The following MROH1 variants were observed in gnomAD, a reference collection of about 807,000 sequenced individuals.
MROH1 encodes the protein maestro heat-like repeat-containing protein family member 1.
A neutral mutation model predicts 116.5 loss-of-function variants in MROH1; 117 were observed. The observed-to-expected ratio is 1.00, with a 90% confidence interval of 0.86 to 1.17. The LOEUF is 1.17. Ranked by LOEUF, MROH1 falls within the 50% of genes most tolerant of loss-of-function variation. The pLI is 0.00. For missense variants in MROH1, 1,873 were observed against 1,338.5 expected (o/e 1.40, Z -6.23); for synonymous variants, 921 against 583.9 (o/e 1.58, Z -8.32).
intron 7 of MROH1, among the ~76,000 whole-genome samples, chr8:144,181,152 C>T (rs1488451570): frequency 1.3e-5 from 2 of 152,208 alleles, no homozygotes; most frequent in Admixed American, 6.5e-5. Flanking sequence ...GTCAGGAAGA[C>T]GGCCAGCCCT....
intron 43 of MROH1, 115 bp downstream of exon 43, chr8:144,261,464 A>C (rs1483945844): frequency 2.9e-6 from 2 of 697,512 alleles, no homozygotes; most frequent in African/African-American, 1.8e-5. Flanking sequence ...TGGTGACCTC[A>C]TCGTCTCTAG....
chr8:144,258,272 T>C (rs1234095169), intron 35 of MROH1, among the ~76,000 whole-genome samples: 1 of 152,248 alleles, frequency 6.6e-6, no homozygotes, highest in East Asian at 1.9e-4. Flanking sequence ...CAGCAGCCCC[T>C]CCAGCTCTCG....
intron 35 of MROH1, among the ~76,000 whole-genome samples, chr8:144,257,820 A>C (rs1166133153): frequency 2.0e-5 from 3 of 152,364 alleles, no homozygotes; most frequent in African/African-American, 7.2e-5. Context: ...CTTTTGGGCC[A>C]GGTGCTCCTG....
chr8:144,170,836 G>T (rs1363234354), intron 4 of MROH1, among the ~76,000 whole-genome samples: 1 of 152,224 alleles, frequency 6.6e-6, no homozygotes, highest in Non-Finnish European at 1.5e-5. Flanking sequence ...GTCAGCCAGG[G>T]TTCTGCACAG....
chr8:144,183,480 AC>A (rs1826183388), intron 7 of MROH1, among the ~76,000 whole-genome samples: 1 of 150,846 alleles, frequency 6.6e-6, no homozygotes, highest in African/African-American at 2.4e-5. Context: ...ACTGCCGAAT[AC>A]CTGGAATGCT....
chr8:144,259,859 T>A, intron 37 of MROH1, 52 bp from the exon 38 acceptor site: 1 of 716,652 alleles, frequency 1.4e-6, no homozygotes, highest in Non-Finnish European at 2.6e-6. Flanking sequence ...GGCTGGTGGG[T>A]TGAGCCCTGG....
chr8:144,154,299 C>T (rs961801058), intron 1 of MROH1, among the ~76,000 whole-genome samples: 24 of 152,230 alleles, frequency 1.6e-4, no homozygotes, highest in Admixed American at 1.2e-3. Flanking sequence ...AACTCTTGAC[C>T]TCAAGTGATC....
Position 144,168,396 on chromosome 8 carries a change from G to A in MROH1, c.124G>A (p.Glu42Lys). ...LCSLGEARPV[E>K]TLRACEEYLR... ...CTCCCTCGGGGAGGCGCGGCCGGTG[G>A]AGACGCTCCGTGCCTGCGAGGAGTA... The change falls in exon 4 of 44, where the codon GAG becomes AAG. Residue 42 changes from glutamate to lysine, a missense_variant. By Grantham distance (56) the Glu-to-Lys change is moderately conservative. Transcript: ENST00000326134. 1 of 1,611,558 alleles carries A rather than the reference G, an allele frequency of 6.2e-7. No homozygotes were observed. Among genetic ancestry groups the A allele is most frequent in the Non-Finnish European group, 8.5e-7 (1 of 1,179,538 alleles).
chr8:144,175,221 C>T (rs1823520200), intron 4 of MROH1: 1 of 924,996 alleles, frequency 1.1e-6, no homozygotes, highest in Non-Finnish European at 1.3e-6. Flanking sequence ...CTGCTGCACC[C>T]AAGCTGCCCC....
At chr8:144,255,913 G>A (rs1350257314) in intron 35 of MROH1, among the ~76,000 whole-genome samples, 3 of 152,220 alleles carry the variant, frequency 2.0e-5, no homozygotes, top group African/African-American at 4.8e-5. Flanking sequence ...GGCTGTGAAG[G>A]CCTCCCTCCT....
At chr8:144,242,561 G>A (rs992480950) in intron 23 of MROH1, 41 bp from the exon 24 acceptor site, 46 of 780,146 alleles carry the variant, frequency 5.9e-5, no homozygotes, top group African/African-American at 1.0e-4. Flanking sequence ...TGGGGCTGCC[G>A]GGGAGTCACG....
At chr8:144,231,737 A>G (rs1838927912) in intron 14 of MROH1, among the ~76,000 whole-genome samples, 1 of 152,228 alleles carries the variant, frequency 6.6e-6, no homozygotes, top group South Asian at 2.1e-4. Context: ...ACACAGAGAC[A>G]CACACCAAGC....
intron 14 of MROH1, among the ~76,000 whole-genome samples, chr8:144,234,512 T>TG (rs2132718289): frequency 1.4e-5 from 1 of 70,850 alleles, no homozygotes; most frequent in South Asian, 5.8e-4. Context: ...TTTTTTTTTT[T>TG]TTTTTTTTTT....
Position 144,241,463 on chromosome 8 carries a change from C to T in MROH1, c.2124C>T (p.Asp708=). 1.3e-6 allele frequency: 1 copy of T among 778,734 alleles called. No individual in the cohort carries two copies. The highest frequency in any genetic ancestry group is 2.4e-6 in the Non-Finnish European group (1 of 417,798). 48.2% of individuals were successfully genotyped at this position (778,734 alleles called of 1,614,324 possible). A position where few individuals can be genotyped will look rare whatever the true frequency, so the allele number is the denominator to read the frequency against. The change falls in exon 22 of 44, where the codon GAC becomes GAT. Residue 708 remains aspartate, a synonymous_variant. Transcript: ENST00000326134. The part of the protein sequence containing the change: ...HLEDTLAQLE[D]FVRSEVFRKS... ...AGGACACGCTGGCCCAGCTGGAGGA[C>T]TTCGTGAGGTCAGAGGTCTTCAGAA... is the stretch of plus-strand genomic sequence containing the variant.
chr8:144,218,290 G>C (rs1009343843), intron 12 of MROH1, among the ~76,000 whole-genome samples: 6 of 152,008 alleles, frequency 3.9e-5, no homozygotes, highest in Non-Finnish European at 8.8e-5. Context: ...AGATGATGCC[G>C]AGGTGTTTTC....
In MROH1 at chr8:144,261,133, T is replaced by G; in HGVS notation, c.4691T>G (p.Leu1564Arg). ...CKHLMHHFPD[L>R]LGRLLTTCLF... ...CCCCAGATGCACCATTTCCCAGACCTGCTGGGCCGTCTCCTGACCACCTGC... is the reference window on the plus strand; with the variant it reads ...CCCCAGATGCACCATTTCCCAGACCGGCTGGGCCGTCTCCTGACCACCTGC... The change falls in exon 42 of 44, where the codon CTG (leucine) becomes CGG (arginine). Residue 1564 changes from leucine to arginine, a missense_variant. Physicochemically the swap from Leu to Arg is moderately radical, Grantham distance 102. Transcript: ENST00000326134. 1.3e-6 allele frequency: 1 copy of G among 773,996 alleles called. No individual in the cohort carries two copies. The highest frequency in any genetic ancestry group is 2.7e-4 in the Middle Eastern group (1 of 3,652). The allele number at this position is 773,996 out of a possible 1,614,324, so 47.9% of individuals were successfully genotyped here.
At chr8:144,250,954 C>G (rs1442803084) in intron 33 of MROH1, 6 of 188,668 alleles carry the variant, frequency 3.2e-5, no homozygotes, top group South Asian at 2.0e-4. Flanking sequence ...GCCTCCGGAG[C>G]ATGGGTCTGC....
chr8:144,249,104 G>C (rs1029511118), intron 32 of MROH1, 75 bp downstream of exon 32: 22 of 702,932 alleles, frequency 3.1e-5, no homozygotes, highest in Non-Finnish European at 5.0e-5. Flanking sequence ...CAGGGCAGGA[G>C]TGGGGTAGTG....
At chr8:144,254,653 G>A in intron 33 of MROH1, 160 bp from the exon 34 acceptor site, 1 of 600,440 alleles carries the variant, frequency 1.7e-6, no homozygotes, top group Non-Finnish European at 3.0e-6. Flanking sequence ...GAAGGGGTGA[G>A]CTCAGATCTG....
Sources: gnomAD v4.1 joint callset for allele counts (sites outside exome capture counted in the v4.1 genomes callset) on GRCh38, gnomAD v4.1.1 for gene constraint, MANE v1.5 for transcripts, NCBI Gene and HGNC (gene_info 2026-07-23, HGNC 2026-07-21) for gene names.